The following KCNIP4 variants were observed in gnomAD, a reference collection of about 807,000 sequenced individuals.
KCNIP4 encodes the protein potassium voltage-gated channel interacting protein 4.
KCNIP4 carries 12 observed loss-of-function variants against 34.0 expected under a neutral mutation model. The observed-to-expected ratio is 0.35, with a 90% CI of 0.23 to 0.57. The LOEUF (loss-of-function observed/expected upper bound fraction) is 0.57. Among genes scored for constraint, KCNIP4 ranks in the 20% least tolerant of loss-of-function variants. The pLI is 0.83. For missense variants in KCNIP4, 238 were observed against 311.7 expected (o/e 0.76, Z 1.78); for synonymous variants, 124 against 102.2 (o/e 1.21, Z -1.29).
At chr4:21,538,232 A>C (rs947886812) in intron 1 of KCNIP4, among the ~76,000 whole-genome samples, 2 of 152,048 alleles carry the variant, frequency 1.3e-5, no homozygotes, top group African/African-American at 4.8e-5. Flanking sequence ...CAACACCTTG[A>C]TCTTAGACTT....
At chr4:21,529,250 G>A (rs1335305684) in intron 1 of KCNIP4, among the ~76,000 whole-genome samples, 1 of 152,154 alleles carries the variant, frequency 6.6e-6, no homozygotes, top group Non-Finnish European at 1.5e-5. Context: ...AATCAAGACA[G>A]AATAGGAAGG....
intron 1 of KCNIP4, among the ~76,000 whole-genome samples, chr4:21,755,744 T>C (rs1717465735): frequency 6.6e-6 from 1 of 152,136 alleles, no homozygotes; most frequent in African/African-American, 2.4e-5. Flanking sequence ...TTAATAAAAG[T>C]ATTGGTAACA....
intron 2 of KCNIP4, among the ~76,000 whole-genome samples, chr4:20,854,599 T>A (rs1180447974): frequency 2.0e-5 from 3 of 152,100 alleles, no homozygotes; most frequent in Admixed American, 6.6e-5. Context: ...AACTTACTCA[T>A]GTAACCAAAT....
At chr4:21,708,985 G>C (rs1035018375) in intron 1 of KCNIP4, among the ~76,000 whole-genome samples, 2 of 152,026 alleles carry the variant, frequency 1.3e-5, no homozygotes, top group Non-Finnish European at 2.9e-5. Flanking sequence ...TTTTTCTGCA[G>C]ATTAGTATTT....
intron 1 of KCNIP4, among the ~76,000 whole-genome samples, chr4:21,189,338 A>G (rs1312241795): frequency 6.6e-6 from 1 of 152,190 alleles, no homozygotes; most frequent in Non-Finnish European, 1.5e-5. Flanking sequence ...ATACACATCC[A>G]GCTCCTGGTC....
intron 1 of KCNIP4, among the ~76,000 whole-genome samples, chr4:20,884,852 C>A (rs770898472): frequency 5.9e-5 from 9 of 152,070 alleles, no homozygotes; most frequent in Non-Finnish European, 1.0e-4. Flanking sequence ...AGGTGCATGC[C>A]ACCATGCCTG....
chr4:21,699,192 T>C (rs1032634467), intron 1 of KCNIP4, among the ~76,000 whole-genome samples: 6 of 152,188 alleles, frequency 3.9e-5, no homozygotes, highest in African/African-American at 1.4e-4. Context: ...GGGAATAGAA[T>C]GCATATTTTA....
chr4:20,882,746 G>T, intron 1 of KCNIP4, 37 bp from the exon 2 acceptor site: 1 of 1,524,230 alleles, frequency 6.6e-7, no homozygotes, highest in Non-Finnish European at 9.1e-7. Context: ...AATGCTGTCT[G>T]CAGAGAGAAA....
intron 3 of KCNIP4, among the ~76,000 whole-genome samples, chr4:20,833,634 C>T (rs544716085): frequency 1.3e-5 from 2 of 152,240 alleles, no homozygotes; most frequent in South Asian, 2.1e-4. Context: ...TCATACCATA[C>T]AAATTGGTCC....
chr4:21,715,258 A>G (rs1240387074), intron 1 of KCNIP4, among the ~76,000 whole-genome samples: 1 of 150,866 alleles, frequency 6.6e-6, no homozygotes, highest in Non-Finnish European at 1.5e-5. Flanking sequence ...CAACCTCCCA[A>G]GTACCTGGGA....
chr4:20,925,138 C>A (rs1560574358), intron 1 of KCNIP4, among the ~76,000 whole-genome samples: 1 of 152,094 alleles, frequency 6.6e-6, no homozygotes, highest in South Asian at 2.1e-4. Context: ...TCATTATATG[C>A]AAAGGTTACC....
intron 1 of KCNIP4, among the ~76,000 whole-genome samples, chr4:21,695,714 T>A (rs1712236690): frequency 6.6e-6 from 1 of 152,116 alleles, no homozygotes; most frequent in African/African-American, 2.4e-5. Flanking sequence ...GGCAGAAAAC[T>A]GTACCTAAAT....
At chr4:21,516,573 C>G (rs181893492) in intron 1 of KCNIP4, among the ~76,000 whole-genome samples, 8 of 152,292 alleles carry the variant, frequency 5.3e-5, no homozygotes, top group African/African-American at 1.9e-4. Context: ...AAAGGAAAGG[C>G]TTGCATCAGT....
At chr4:21,686,647 A>G (rs951783087) in intron 1 of KCNIP4, among the ~76,000 whole-genome samples, 6 of 152,182 alleles carry the variant, frequency 3.9e-5, no homozygotes, top group Non-Finnish European at 8.8e-5. Context: ...GTGTACAGTT[A>G]GAGAGAATTC....
At chr4:21,582,064 A>AATGGAATGGAATGGAATGGG (rs1197569975) in intron 1 of KCNIP4, 3 of 151,952 alleles carry the variant, frequency 2.0e-5, no homozygotes, top group Admixed American at 6.6e-5. Flanking sequence ...AATGGAATGG[A>AATGGAATGGAATGGAATGGG]ATGGAATGGA....
intron 1 of KCNIP4, among the ~76,000 whole-genome samples, chr4:21,582,784 C>G (rs1346047343): frequency 6.6e-6 from 1 of 151,870 alleles, no homozygotes; most frequent in Non-Finnish European, 1.5e-5. Flanking sequence ...AACAGGACAT[C>G]TGGAATGAAA....
chr4:21,295,918 G>GTGAATGAATGAA lies in KCNIP4; in HGVS notation c.62-413221_62-413210dup, dbSNP rs3080876. 2.9e-4 allele frequency among the ~76,000 whole-genome samples: 44 copies of GTGAATGAATGAA among 151,108 alleles called. 1 individual carries two copies. The highest frequency in any genetic ancestry group is 1.0e-3 in the African/African-American group (42 of 41,166). ...ACCACAATAGAGGCACATGCAGTTA[G>GTGAATGAATGAA]TGAATGAATGAATGAATGAATGAAT... On this transcript the variant is annotated intron_variant, in intron 1 of 8. Transcript: ENST00000382152.
At chr4:20,882,339 T>A (rs1046558579) in intron 2 of KCNIP4, among the ~76,000 whole-genome samples, 1 of 152,010 alleles carries the variant, frequency 6.6e-6, no homozygotes. Flanking sequence ...GTTACTTGAG[T>A]CCAGTCCCCA....
chr4:21,689,181 A>G (rs1349101558), intron 1 of KCNIP4, among the ~76,000 whole-genome samples: 1 of 152,198 alleles, frequency 6.6e-6, no homozygotes, highest in African/African-American at 2.4e-5. Context: ...GAAAACTAAT[A>G]CAATTAAAGG....
Sources: gnomAD v4.1 joint callset for allele counts (sites outside exome capture counted in the v4.1 genomes callset) on GRCh38, gnomAD v4.1.1 for gene constraint, MANE v1.5 for transcripts, NCBI Gene and HGNC (gene_info 2026-07-23, HGNC 2026-07-21) for gene names.